Variants in STAC3 observed in about 807,000 individuals in gnomAD.
STAC3 encodes SH3 and cysteine rich domain 3.
In STAC3, 30 loss-of-function variants were observed where a neutral mutation model predicts 48.5. The ratio of observed to expected loss-of-function variants is 0.62; its 90% CI spans 0.46 to 0.84. The LOEUF (loss-of-function observed/expected upper bound fraction) is 0.84, where lower values mean the gene tolerates loss of function less well. STAC3 is among the 40% of genes least tolerant of loss of function. The pLI is 0.00. For missense variants in STAC3, 419 were observed against 462.6 expected (o/e 0.91, Z 0.86); for synonymous variants, 144 against 158.6 (o/e 0.91, Z 0.69).
intron 3 of STAC3, 23 bp downstream of exon 3, chr12:57,249,018 C>T (rs2037833909): frequency 6.4e-7 from 1 of 1,572,426 alleles, no homozygotes; most frequent in East Asian, 2.2e-5. Flanking sequence ...ATCATACTCT[C>T]TTCACTTCCC....
At position 57,249,181 on chromosome 12, in the gene STAC3, T is replaced by C; in HGVS notation, c.194A>G (p.Glu65Gly). 6.2e-7 allele frequency: 1 copy of C among 1,614,020 alleles called. No homozygotes were observed. Among genetic ancestry groups the C allele is most frequent in the Non-Finnish European group, 8.5e-7 (1 of 1,180,006 alleles). ...AGGGPIYYIY[E>G]EEEEEEEEEE... ...CTCCTCTTCTTCCTCTTCCTCTTCC[T>C]CATAGATGTAGTAGATGGGCCCACC... Residue 65 changes from glutamate (E) to glycine (G), a missense_variant, in exon 3 of 12, where the codon GAG (glutamate) becomes GGG (glycine). Transcript: ENST00000332782.
chr12:57,249,379 G>C, intron 2 of STAC3, 71 bp from the exon 3 acceptor site: 2 of 1,520,876 alleles, frequency 1.3e-6, no homozygotes, highest in Non-Finnish European at 1.8e-6. Flanking sequence ...GGGGGCGCTA[G>C]AGCAAACTAG....
rs139336270 is a variant in STAC3, at chr12:57,247,519, C to T, written c.505+607G>A. Among the ~76,000 whole-genome samples, 204 of 150,128 alleles carry T rather than the reference C, an allele frequency of 1.4e-3. 4 individuals carry two copies. In the East Asian group the frequency reaches 0.033, roughly 24 times the overall value. On this transcript the variant is annotated intron_variant, in intron 5 of 11. Transcript: ENST00000332782. ...CACAATCTCGGCTCACTGCAAGCTC[C>T]GCCTCCCGGGTTCATGCCATTCTCC...
At chr12:57,245,255 C>T in intron 6 of STAC3, 44 bp from the exon 7 acceptor site, 1 of 1,561,052 alleles carries the variant, frequency 6.4e-7, no homozygotes, top group Non-Finnish European at 8.8e-7. Context: ...CTTGGGAACA[C>T]ATGCCCTGGC....
At chr12:57,249,442 G>T in intron 2 of STAC3, 129 bp downstream of exon 2, 1 of 1,491,390 alleles carries the variant, frequency 6.7e-7, no homozygotes, top group South Asian at 1.2e-5. Context: ...GGGGGTATTG[G>T]TATTGGGGAC....
chr12:57,250,858 G>A (rs1184339079), intron 1 of STAC3, 135 bp downstream of exon 1: 1 of 135,702 alleles, frequency 7.4e-6, no homozygotes, highest in Non-Finnish European at 1.5e-5. Context: ...TCATCCTAGA[G>A]TAGAATAATA....
intron 6 of STAC3, 132 bp from the exon 7 acceptor site, chr12:57,245,343 T>C (rs2037710887): frequency 1.3e-6 from 1 of 798,246 alleles, no homozygotes; most frequent in African/African-American, 1.7e-5. Context: ...TTGGAGGAAA[T>C]ATCTAGTTCA....
chr12:57,250,974 G>A lies in STAC3; in HGVS notation c.-2+19C>T. 3.2e-6 allele frequency: 1 copy of A among 315,032 alleles called. No homozygotes were observed. Among genetic ancestry groups the A allele is most frequent in the Non-Finnish European group, 6.4e-6 (1 of 155,740 alleles). 19.5% of individuals were successfully genotyped at this position (315,032 alleles called of 1,614,324 possible). A position where few individuals can be genotyped will look rare whatever the true frequency, so the allele number is the denominator to read the frequency against. On this transcript the variant is annotated intron_variant, in intron 1 of 11. Coordinates refer to ENST00000332782, the MANE Select transcript of STAC3 (RefSeq NM_145064.3). ...GGGTGAGCAGTCGTGGAAATCAAGA[G>A]GATGAAGAGGTAACTTACGTTCGGG...
At chr12:57,247,422 ATTATTATT>A (rs1457607423) in intron 5 of STAC3, among the ~76,000 whole-genome samples, 2 of 68,396 alleles carry the variant, frequency 2.9e-5, no homozygotes, top group African/African-American at 1.2e-4. Flanking sequence ...TATTATTATT[ATTATTATT>A]TTTTTTTTTT....
At position 57,244,327 on chromosome 12, in the gene STAC3, T is replaced by C. The variant is rs1489449356; in HGVS notation, c.846A>G (p.Glu282=). Residue 282 remains glutamate (E), a synonymous_variant, in exon 10 of 12, where the codon GAA becomes GAG. Transcript: ENST00000332782. ...EKITVIDDSN[E]EWWRGKIGEK... is the part of the protein sequence containing the mutation. ...CCATTTCTCTCACCCGCCACCATTC[T>C]TCATTGGAGTCATCAATGACTGTGA... 2 of 1,614,086 alleles carry C rather than the reference T, an allele frequency of 1.2e-6. No individual in the cohort carries two copies. The highest frequency in any genetic ancestry group is 1.3e-5 in the African/African-American group (1 of 74,942).
chr12:57,249,323 G>A lies in STAC3; in HGVS notation c.67-15C>T. On this transcript the variant is annotated splice_polypyrimidine_tract_variant and intron_variant, in intron 2 of 11. Transcript: ENST00000332782. ...AGCCGCTGTAGCTGAGGGAGGGAGT[G>A]AAGAAAACCCAATGTTAAAAGGACT... 6.4e-7 allele frequency: 1 copy of A among 1,560,402 alleles called. No homozygotes were observed. Among genetic ancestry groups the A allele is most frequent in the Non-Finnish European group, 8.7e-7 (1 of 1,153,868 alleles).
chr12:57,249,526 G>A (rs1309434120), intron 2 of STAC3, 45 bp downstream of exon 2: 20 of 1,584,756 alleles, frequency 1.3e-5, no homozygotes, highest in Non-Finnish European at 1.7e-5. Context: ...CAGCTGTAAT[G>A]GCTTCCCAGC....
rs138459834 is a variant in STAC3, at chr12:57,249,736, G to A, written c.-1-99C>T. Reference sequence around the variant, plus strand: ...GGTGGTCCTCAAAGGGGAGGCTTTCGGAGAAATGTGATGAGAGATTTTGCT... The same window carrying A: ...GGTGGTCCTCAAAGGGGAGGCTTTCAGAGAAATGTGATGAGAGATTTTGCT... On this transcript the variant is annotated intron_variant, in intron 1 of 11. Coordinates refer to ENST00000332782, the MANE Select transcript of STAC3 (RefSeq NM_145064.3). The A allele has an allele frequency of 2.5e-4, 318 of 1,284,816 alleles. No individual in the cohort carries two copies. In the African/African-American group the frequency reaches 3.8e-3, roughly 15 times the overall value. The allele number at this position is 1,284,816 out of a possible 1,614,324, so 79.6% of individuals were successfully genotyped here. A position where few individuals can be genotyped will look rare whatever the true frequency, so the allele number is the denominator to read the frequency against.
At chr12:57,247,559 C>T (rs1237366864) in intron 5 of STAC3, among the ~76,000 whole-genome samples, 3 of 151,280 alleles carry the variant, frequency 2.0e-5, no homozygotes, top group Non-Finnish European at 4.4e-5. Flanking sequence ...TCAGCCTCTC[C>T]GAGTAGCTGG....
In STAC3 at chr12:57,251,020, G is replaced by C; in HGVS notation, c.-29C>G. ...TCGGGATTCCCTAAGTCAGTCCACAGGCTGTAGAGGGAGCTGGGAGCCTCG... is the reference window on the plus strand; with the variant it reads ...TCGGGATTCCCTAAGTCAGTCCACACGCTGTAGAGGGAGCTGGGAGCCTCG... On this transcript the variant is annotated 5_prime_UTR_variant, in exon 1 of 12. Transcript: ENST00000332782. 1 of 386,572 alleles carries C rather than the reference G, an allele frequency of 2.6e-6. No individual in the cohort carries two copies. The highest frequency in any genetic ancestry group is 5.2e-6 in the Non-Finnish European group (1 of 192,012). The allele number at this position is 386,572 out of a possible 1,614,324, so 23.9% of individuals were successfully genotyped here. A position where few individuals can be genotyped will look rare whatever the true frequency, so the allele number is the denominator to read the frequency against.
At chr12:57,248,275 C>G (rs2037807454) in intron 4 of STAC3, 77 bp from the exon 5 acceptor site, 6 of 1,187,114 alleles carry the variant, frequency 5.1e-6, no homozygotes, top group Non-Finnish European at 7.6e-6. Context: ...GGAGTGCTCA[C>G]CCTTTCTCAG....
intron 6 of STAC3, among the ~76,000 whole-genome samples, chr12:57,245,816 A>G (rs1051912111): frequency 6.6e-6 from 1 of 151,786 alleles, no homozygotes. Context: ...GTAAGTAAAA[A>G]GTGAGCAGCA....
At position 57,251,157 on chromosome 12, in the gene STAC3, A is replaced by G. The variant is rs571159877; in HGVS notation, c.-166T>C. The G allele has an allele frequency of 2.2e-6, 1 of 455,136 alleles. No homozygotes were observed. The highest frequency in any genetic ancestry group is 2.0e-5 in the African/African-American group (1 of 50,100). 28.2% of individuals were successfully genotyped at this position (455,136 alleles called of 1,614,324 possible). ...CCCAGTCGCTATTTGTAGACCTCCT[A>G]GCCTCCTGCCTTGGTGTCAGGGCTG... On this transcript the variant is annotated 5_prime_UTR_variant, in exon 1 of 12. Transcript: ENST00000332782.
chr12:57,246,616 C>A (rs2037748135), intron 6 of STAC3, among the ~76,000 whole-genome samples, 188 bp downstream of exon 6: 2 of 152,072 alleles, frequency 1.3e-5, no homozygotes, highest in South Asian at 4.1e-4. Flanking sequence ...GAACTCCTGA[C>A]CTCAGGTAAT....
Sources: allele counts gnomAD v4.1 joint callset (sites outside exome capture counted in the v4.1 genomes callset), GRCh38; gene constraint gnomAD v4.1.1; transcripts MANE v1.5; gene names NCBI Gene and HGNC (gene_info 2026-07-23, HGNC 2026-07-21).